Variants in PICALM observed in about 807,000 individuals in gnomAD.
The protein encoded by PICALM is phosphatidylinositol-binding clathrin assembly protein.
A neutral mutation model predicts 80.5 loss-of-function variants in PICALM; 40 were observed. The observed-to-expected ratio is 0.50, with a 90% CI of 0.39 to 0.65. The LOEUF is 0.65. Ranked by LOEUF, PICALM falls within the 30% of genes least tolerant of loss-of-function variation. The pLI, the probability that PICALM is intolerant of heterozygous loss-of-function variation, is 0.00. For missense variants in PICALM, 676 were observed against 778.9 expected, an observed-to-expected ratio of 0.87 and a Z score of 1.57; for synonymous variants, 288 against 260.3, an observed-to-expected ratio of 1.11 and a Z score of -1.02.
chr11:85,977,954 A>G (rs1201714612), intron 17 of PICALM: 4 of 779,870 alleles, frequency 5.1e-6, no homozygotes, highest in African/African-American at 3.4e-5. Flanking sequence ...AATTTCTGGC[A>G]CATTGAAAAT....
At chr11:86,059,214 A>C (rs1361330081) in intron 1 of PICALM, among the ~76,000 whole-genome samples, 1 of 152,208 alleles carries the variant, frequency 6.6e-6, no homozygotes, top group Non-Finnish European at 1.5e-5. Context: ...TGAGCTATGA[A>C]GGGAGGTTAA....
intron 1 of PICALM, among the ~76,000 whole-genome samples, chr11:86,060,042 C>CA (rs1326494312): frequency 6.6e-6 from 1 of 152,134 alleles, no homozygotes; most frequent in Non-Finnish European, 1.5e-5. Flanking sequence ...ATAAAGTGGA[C>CA]ATAGGGATTA....
intron 19 of PICALM, among the ~76,000 whole-genome samples, chr11:85,961,355 AAAGG>A (rs2093682647): frequency 6.6e-6 from 1 of 152,204 alleles, no homozygotes; most frequent in Non-Finnish European, 1.5e-5. Flanking sequence ...GTGGGAGGTG[AAAGG>A]GACCTTAGAG....
chr11:85,973,914 A>C (rs1049048840), intron 19 of PICALM, among the ~76,000 whole-genome samples: 7 of 152,096 alleles, frequency 4.6e-5, no homozygotes, highest in Non-Finnish European at 8.8e-5. Context: ...TCAAAACAGT[A>C]CGAGCAGAGC....
At chr11:86,056,888 CATT>C (rs1374181859) in intron 1 of PICALM, among the ~76,000 whole-genome samples, 6 of 152,110 alleles carry the variant, frequency 3.9e-5, no homozygotes, top group African/African-American at 1.2e-4. Context: ...ACCTTTAAAA[CATT>C]ATAACTGAAA....
At chr11:86,042,348 A>G (rs1287086861) in intron 1 of PICALM, among the ~76,000 whole-genome samples, 2 of 152,216 alleles carry the variant, frequency 1.3e-5, no homozygotes, top group East Asian at 3.8e-4. Context: ...ATACAAGACA[A>G]TAAAAAGCTA....
At chr11:86,028,596 G>A (rs1300491127) in intron 2 of PICALM, among the ~76,000 whole-genome samples, 2 of 152,010 alleles carry the variant, frequency 1.3e-5, no homozygotes, top group African/African-American at 4.8e-5. Flanking sequence ...TACCATGAAG[G>A]TACTATCATA....
chr11:86,000,895 T>C, intron 10 of PICALM, 116 bp from the exon 11 acceptor site: 6 of 1,481,652 alleles, frequency 4.0e-6, no homozygotes, highest in Non-Finnish European at 5.5e-6. Flanking sequence ...TACCTAATTC[T>C]ATGTCAGGAC....
At position 86,017,486 on chromosome 11, in the gene PICALM, T is replaced by C. The variant is rs1004371284; in HGVS notation, c.453-2523A>G. On this transcript the variant is annotated intron_variant, in intron 4 of 19. Coordinates refer to ENST00000393346, the MANE Select transcript of PICALM (RefSeq NM_007166.4). ...AACCTATAACAATTTATTTTCCTAA[T>C]ATACAAAAAGTTCATTTGTTGAGTG... Among the ~76,000 whole-genome samples the C allele has an allele frequency of 1.9e-3, 282 of 152,332 alleles. 1 individual carries two copies. Among genetic ancestry groups the C allele is most frequent in the African/African-American group, 6.4e-3 (265 of 41,574 alleles).
At chr11:86,058,032 C>T (rs182249838) in intron 1 of PICALM, among the ~76,000 whole-genome samples, 3 of 152,224 alleles carry the variant, frequency 2.0e-5, no homozygotes, top group East Asian at 3.9e-4. Context: ...GTGCATGAGG[C>T]GGATTTCTGC....
At chr11:85,961,262 G>C (rs1486700124) in intron 19 of PICALM, among the ~76,000 whole-genome samples, 1 of 152,140 alleles carries the variant, frequency 6.6e-6, no homozygotes, top group African/African-American at 2.4e-5. Context: ...GGGTCGAAAA[G>C]TCCTGTCCTA....
intron 11 of PICALM, among the ~76,000 whole-genome samples, chr11:85,997,489 G>A (rs1662197624): frequency 6.6e-6 from 1 of 151,234 alleles, no homozygotes; most frequent in African/African-American, 2.4e-5. Context: ...TCTTTTTTTT[G>A]AGACAGAGTC....
intron 5 of PICALM, among the ~76,000 whole-genome samples, chr11:86,013,278 G>T (rs2095429043): frequency 6.6e-6 from 1 of 151,950 alleles, no homozygotes; most frequent in Admixed American, 6.6e-5. Flanking sequence ...TCATGCCACA[G>T]AACTCCAGCC....
chr11:86,023,584 T>C (rs1305905580), intron 3 of PICALM: 3 of 984,472 alleles, frequency 3.0e-6, no homozygotes, highest in African/African-American at 1.7e-5. Flanking sequence ...ACCACTAGAA[T>C]TGCTTAATTT....
intron 19 of PICALM, among the ~76,000 whole-genome samples, chr11:85,961,756 A>G (rs2093695692): frequency 6.6e-6 from 1 of 152,244 alleles, no homozygotes; most frequent in African/African-American, 2.4e-5. Context: ...AGTGAGTAAT[A>G]AAAGTTGACT....
At chr11:86,017,828 A>G (rs1175972704) in intron 4 of PICALM, among the ~76,000 whole-genome samples, 1 of 152,222 alleles carries the variant, frequency 6.6e-6, no homozygotes, top group Non-Finnish European at 1.5e-5. Flanking sequence ...AATATTCACC[A>G]AAGTATTAAA....
chr11:86,057,794 C>G (rs994220891), intron 1 of PICALM, among the ~76,000 whole-genome samples: 3 of 152,024 alleles, frequency 2.0e-5, no homozygotes, highest in Admixed American at 6.6e-5. Context: ...TTTAAGTAAC[C>G]TAGAGATGAT....
intron 4 of PICALM, among the ~76,000 whole-genome samples, chr11:86,020,162 T>C (rs993662527): frequency 3.3e-5 from 5 of 152,124 alleles, no homozygotes; most frequent in Non-Finnish European, 7.4e-5. Flanking sequence ...ATTAAATGCA[T>C]CTTCTGCATT....
At chr11:86,006,087 T>C (rs1231423659) in intron 8 of PICALM, among the ~76,000 whole-genome samples, 3 of 152,182 alleles carry the variant, frequency 2.0e-5, no homozygotes, top group Non-Finnish European at 4.4e-5. Context: ...GCATAACAAA[T>C]GGGGTGGGTA....
Sources: gnomAD v4.1 joint callset for allele counts (sites outside exome capture counted in the v4.1 genomes callset) on GRCh38, gnomAD v4.1.1 for gene constraint, MANE v1.5 for transcripts, NCBI Gene and HGNC (gene_info 2026-07-23, HGNC 2026-07-21) for gene names.